Variants in ISY1 observed in about 807,000 individuals in gnomAD.
ISY1 encodes ISY1 spliceosome associated protein.
A neutral mutation model predicts 54.4 loss-of-function variants in ISY1; 12 were observed. The observed-to-expected ratio is 0.22, with a 90% CI of 0.14 to 0.36. The LOEUF (loss-of-function observed/expected upper bound fraction) is 0.36. ISY1 is among the 10% of genes least tolerant of loss of function. The pLI, the probability that ISY1 is intolerant of heterozygous loss-of-function variation, is 1.00. For missense variants in ISY1, 282 were observed against 342.2 expected, an observed-to-expected ratio of 0.82 and a Z score of 1.39; for synonymous variants, 96 against 117.9, an observed-to-expected ratio of 0.81 and a Z score of 1.20.
Position 129,134,930 on chromosome 3 carries a change from C to G in ISY1, c.443G>C (p.Arg148Pro), listed in dbSNP as rs763141383. The change falls in exon 8 of 11, where the codon CGT becomes CCT. Residue 148 changes from arginine to proline, a missense_variant. Around this residue, in one of 2 missense-constraint regions of ISY1, gnomAD observed 279 missense variants for 323.6 expected, o/e 0.86. Coordinates refer to ENST00000393295, the MANE Select transcript of ISY1 (RefSeq NM_020701.4). ...KEPLPPPRKT[R>P]AELMKAIDFE... ...ATCGATTGCCTTCATGAGCTCAGCA[C>G]GTGTCTTTCTGGGAGGAGGAAGAGC... 3.4e-5 allele frequency: 54 copies of G among 1,609,342 alleles called. No homozygotes were observed. The highest frequency in any genetic ancestry group is 4.6e-5 in the Non-Finnish European group (54 of 1,177,160).
intron 7 of ISY1, among the ~76,000 whole-genome samples, chr3:129,135,966 A>G (rs1446267618): frequency 6.6e-6 from 1 of 152,182 alleles, no homozygotes; most frequent in African/African-American, 2.4e-5. Context: ...GAACTGTCAT[A>G]ATGTTTAATG....
intron 6 of ISY1, among the ~76,000 whole-genome samples, chr3:129,143,137 C>T (rs1334338349): frequency 6.6e-6 from 1 of 152,086 alleles, no homozygotes; most frequent in Non-Finnish European, 1.5e-5. Context: ...ATTACTTGCA[C>T]CTGGAGTCAA....
intron 2 of ISY1, 94 bp from the exon 3 acceptor site, chr3:129,158,653 G>A: frequency 6.6e-7 from 1 of 1,514,114 alleles, no homozygotes; most frequent in Non-Finnish European, 9.1e-7. Context: ...ATCTGCTTAT[G>A]ACCATATTTA....
intron 6 of ISY1, among the ~76,000 whole-genome samples, chr3:129,142,285 A>T (rs1439869518): frequency 1.3e-5 from 2 of 151,990 alleles, no homozygotes; most frequent in Non-Finnish European, 2.9e-5. Flanking sequence ...TGCAGGGGAA[A>T]TGCTACCAAG....
chr3:129,157,318 A>T (rs1231299896), intron 3 of ISY1, among the ~76,000 whole-genome samples: 2 of 152,162 alleles, frequency 1.3e-5, no homozygotes. Context: ...TATTATCTCT[A>T]ATTTGGGTGA....
intron 7 of ISY1, among the ~76,000 whole-genome samples, 178 bp downstream of exon 7, chr3:129,140,190 G>A (rs562689230): frequency 1.3e-5 from 2 of 152,284 alleles, no homozygotes; most frequent in Non-Finnish European, 2.9e-5. Context: ...TGTATGGCAT[G>A]GGCCTATGAT....
At chr3:129,134,329 C>A (rs950011619) in intron 8 of ISY1, 134 bp from the exon 9 acceptor site, 1 of 1,492,690 alleles carries the variant, frequency 6.7e-7, no homozygotes, top group African/African-American at 1.4e-5. Context: ...ATTCTGCCCC[C>A]GTGGGTGGAA....
At chr3:129,144,449 T>C (rs1376046254) in intron 6 of ISY1, among the ~76,000 whole-genome samples, 1 of 152,190 alleles carries the variant, frequency 6.6e-6, no homozygotes, top group Non-Finnish European at 1.5e-5. Flanking sequence ...GATCAACACG[T>C]AGAAAAACTG....
chr3:129,153,526 G>A (rs1330648402), intron 5 of ISY1, among the ~76,000 whole-genome samples: 1 of 152,094 alleles, frequency 6.6e-6, no homozygotes, highest in African/African-American at 2.4e-5. Flanking sequence ...GCTCAAGCCT[G>A]TAATCCCAGC....
chr3:129,159,132 C>A, intron 2 of ISY1, 22 bp downstream of exon 2: 1 of 1,603,426 alleles, frequency 6.2e-7, no homozygotes, highest in Non-Finnish European at 8.5e-7. Context: ...AAATTTACAG[C>A]CAAAAACAAG....
At chr3:129,156,974 A>T in intron 3 of ISY1, 54 bp from the exon 4 acceptor site, 1 of 1,596,654 alleles carries the variant, frequency 6.3e-7, no homozygotes, top group Admixed American at 1.7e-5. Context: ...GTTTCAAACA[A>T]CATTCAGAAC....
At chr3:129,158,672 C>T in intron 2 of ISY1, 113 bp from the exon 3 acceptor site, 1 of 1,378,154 alleles carries the variant, frequency 7.3e-7, no homozygotes, top group Non-Finnish European at 1.0e-6. Context: ...TAATGTCATT[C>T]ATATACAAAT....
chr3:129,150,140 C>T lies in ISY1; in HGVS notation c.188-4267G>A, dbSNP rs143840449. ...ATCTTGAAATCAGGTGGAATGAATG[C>T]TCCAATTTTGTTCCTTTTCAAAATT... is the stretch of plus-strand genomic sequence containing the variant. On this transcript the variant is annotated intron_variant, in intron 5 of 10. Coordinates refer to ENST00000393295, the MANE Select transcript of ISY1 (RefSeq NM_020701.4). 3.1e-3 allele frequency among the ~76,000 whole-genome samples: 475 copies of T among 152,260 alleles called. 1 individual carries two copies. The highest frequency in any genetic ancestry group is 5.7e-3 in the African/African-American group (236 of 41,550).
At chr3:129,140,343 CT>C in intron 7 of ISY1, 24 bp downstream of exon 7, 4 of 1,543,710 alleles carry the variant, frequency 2.6e-6, no homozygotes, top group Non-Finnish European at 2.6e-6. Context: ...CAATGAAAGG[CT>C]AAAACTGTCA....
intron 1 of ISY1, 46 bp from the exon 2 acceptor site, chr3:129,159,222 A>T (rs914496110): frequency 3.2e-6 from 5 of 1,583,892 alleles, no homozygotes; most frequent in South Asian, 2.4e-5. Context: ...TTTAAAATAT[A>T]TTTTTTTCTT....
At chr3:129,156,797 A>G in intron 4 of ISY1, 58 bp downstream of exon 4, 1 of 1,589,040 alleles carries the variant, frequency 6.3e-7, no homozygotes, top group South Asian at 1.2e-5. Flanking sequence ...CATTTAGATA[A>G]TAAGAAGAAA....
rs548468133 is a variant in ISY1, at chr3:129,136,613, C to T, written c.419-1659G>A. Among the ~76,000 whole-genome samples the T allele has an allele frequency of 2.0e-5, 3 of 152,042 alleles. No individual in the cohort carries two copies. The South Asian group carries it at 6.2e-4, about 32-fold the overall frequency. On this transcript the variant is annotated intron_variant, in intron 7 of 10. Transcript: ENST00000393295. ...CCGCCTCCTGGGTTCAAGCAATTCTCCTGCCTCAGCCTCCTGAGTAGCTGG... is the reference window on the plus strand; with the variant it reads ...CCGCCTCCTGGGTTCAAGCAATTCTTCTGCCTCAGCCTCCTGAGTAGCTGG...
chr3:129,141,710 C>A (rs893758323), intron 6 of ISY1, among the ~76,000 whole-genome samples: 1 of 126,230 alleles, frequency 7.9e-6, no homozygotes, highest in African/African-American at 3.0e-5. Flanking sequence ...GCTGATATCA[C>A]ACCACTGCAC....
intron 7 of ISY1, 41 bp from the exon 8 acceptor site, chr3:129,134,995 T>C (rs1403194970): frequency 3.2e-6 from 5 of 1,574,208 alleles, no homozygotes; most frequent in Non-Finnish European, 3.5e-6. Flanking sequence ...CAAGTCATAA[T>C]CACACTCCAG....
Sources: gnomAD v4.1 joint callset for allele counts (sites outside exome capture counted in the v4.1 genomes callset) on GRCh38, gnomAD v4.1.1 for gene constraint, gnomAD v4.1.1 regional missense constraint, MANE v1.5 for transcripts, NCBI Gene and HGNC (gene_info 2026-07-23, HGNC 2026-07-21) for gene names.